VWA3B: variants seen among roughly 807,000 people sequenced by gnomAD.
The protein encoded by VWA3B is von Willebrand factor A domain-containing protein 3B.
A neutral mutation model predicts 158.3 loss-of-function variants in VWA3B; 138 were observed. The observed-to-expected ratio is 0.87, with a 90% CI of 0.76 to 1.00. The LOEUF (loss-of-function observed/expected upper bound fraction) is 1.00, where lower values mean the gene tolerates loss of function less well. VWA3B is among the 50% of genes least tolerant of loss of function. VWA3B has a pLI of 0.00. For synonymous variants in VWA3B, 596 were observed against 587.3 expected, an observed-to-expected ratio of 1.01 and a Z score of -0.21; for missense variants, 1,555 against 1,565.1, an observed-to-expected ratio of 0.99 and a Z score of 0.11.
In VWA3B at chr2:98,204,173, A is replaced by G. The variant is rs578218472; in HGVS notation, c.1738-7757A>G. On this transcript the variant is annotated intron_variant, in intron 12 of 27. Coordinates refer to ENST00000477737, the MANE Select transcript of VWA3B (RefSeq NM_144992.5). Reference sequence around the variant, plus strand: ...CTAAGGGACAACTGTAGTTCTCAGGATTTTCTATGTAGATAATTGGGTAGT... The same window carrying G: ...CTAAGGGACAACTGTAGTTCTCAGGGTTTTCTATGTAGATAATTGGGTAGT... 2.6e-5 allele frequency among the ~76,000 whole-genome samples: 4 copies of G among 152,250 alleles called. No homozygotes were observed. The South Asian group carries it at 8.3e-4, about 32-fold the overall frequency.
At chr2:98,118,328 G>A (rs187941166) in intron 3 of VWA3B, among the ~76,000 whole-genome samples, 1 of 152,220 alleles carries the variant, frequency 6.6e-6, no homozygotes, top group East Asian at 1.9e-4. Context: ...TGAGGAATGA[G>A]GTTGACAGAC....
At chr2:98,244,715 A>G (rs1686282640) in intron 19 of VWA3B, among the ~76,000 whole-genome samples, 1 of 152,186 alleles carries the variant, frequency 6.6e-6, no homozygotes. Flanking sequence ...AGTTTTATGA[A>G]GAGGAAAGAC....
Position 98,087,178 on chromosome 2 carries a change from T to A in VWA3B, c.-218T>A, listed in dbSNP as rs979807889. On this transcript the variant is annotated 5_prime_UTR_variant, in exon 1 of 28. Coordinates refer to ENST00000477737, the MANE Select transcript of VWA3B (RefSeq NM_144992.5). Reference sequence around the variant, plus strand: ...CCGCGCTCGGAACCAGAGGCGCGGGTCACAGAGACCTAGAACAGCTGGAAT... The same window carrying A: ...CCGCGCTCGGAACCAGAGGCGCGGGACACAGAGACCTAGAACAGCTGGAAT... 6.6e-6 allele frequency: 1 copy of A among 152,104 alleles called. No homozygotes were observed. Among genetic ancestry groups the A allele is most frequent in the Non-Finnish European group, 1.5e-5 (1 of 68,024 alleles). The allele number at this position is 152,104 out of a possible 1,614,324, so 9.4% of individuals were successfully genotyped here. A position where few individuals can be genotyped will look rare whatever the true frequency, so the allele number is the denominator to read the frequency against.
chr2:98,289,526 C>T (rs900712859), intron 22 of VWA3B, among the ~76,000 whole-genome samples: 1 of 152,198 alleles, frequency 6.6e-6, no homozygotes, highest in African/African-American at 2.4e-5. Flanking sequence ...GTTGCATCAA[C>T]CAGGAGATAT....
At chr2:98,301,430 T>C (rs1690184240) in intron 25 of VWA3B, among the ~76,000 whole-genome samples, 1 of 152,272 alleles carries the variant, frequency 6.6e-6, no homozygotes, top group African/African-American at 2.4e-5. Flanking sequence ...AAATGAATAC[T>C]TTACATATCT....
intron 20 of VWA3B, among the ~76,000 whole-genome samples, chr2:98,255,194 T>TTA (rs1262127015): frequency 7.4e-6 from 1 of 134,858 alleles, no homozygotes; most frequent in Non-Finnish European, 1.6e-5. Flanking sequence ...TTTTTTTTTT[T>TTA]TTTTTTTTTT....
chr2:98,114,329 A>G (rs931950083), intron 2 of VWA3B, among the ~76,000 whole-genome samples: 1 of 152,198 alleles, frequency 6.6e-6, no homozygotes, highest in Non-Finnish European at 1.5e-5. Context: ...TCACTTCATC[A>G]ATGTCAGCTA....
intron 21 of VWA3B, among the ~76,000 whole-genome samples, chr2:98,257,160 A>T (rs1574214947): frequency 6.6e-6 from 1 of 151,460 alleles, no homozygotes; most frequent in Admixed American, 6.6e-5. Context: ...CCTCCATAAG[A>T]TCAACTTTTT....
At chr2:98,179,367 G>A (rs1342128504) in intron 8 of VWA3B, 4 of 470,222 alleles carry the variant, frequency 8.5e-6, no homozygotes, top group African/African-American at 2.0e-5. Context: ...AAAACACCAC[G>A]AGAATGTGCC....
intron 19 of VWA3B, among the ~76,000 whole-genome samples, chr2:98,241,627 A>G (rs1686079286): frequency 2.6e-5 from 4 of 152,118 alleles, no homozygotes; most frequent in Middle Eastern, 6.8e-3. Flanking sequence ...GGGGAAAAAT[A>G]AAGAATGAGT....
chr2:98,133,904 G>A lies in VWA3B; in HGVS notation c.953G>A (p.Trp318Ter). The A allele has an allele frequency of 6.2e-7, 1 of 1,614,044 alleles. No homozygotes were observed. The highest frequency in any genetic ancestry group is 8.5e-7 in the Non-Finnish European group (1 of 1,180,022). ...AAGGATGGTGACAATGTGATGACTT[G>A]GAATTCAAGGAAACTGAAAGGAAAA... ...STKDGDNVMT[W>*]NSRKLKGKLP... The change falls in exon 7 of 28, where the codon TGG becomes TAG. Residue 318 changes from tryptophan to a stop codon, truncating the protein, a stop_gained. Coordinates refer to ENST00000477737, the MANE Select transcript of VWA3B (RefSeq NM_144992.5). LOFTEE classifies it high-confidence loss of function.
intron 20 of VWA3B, among the ~76,000 whole-genome samples, chr2:98,255,545 C>G (rs1188491395): frequency 1.3e-5 from 2 of 152,036 alleles, no homozygotes; most frequent in African/African-American, 4.8e-5. Flanking sequence ...CTTCTTTGCT[C>G]TTGGGTCAAC....
At chr2:98,220,450 C>T (rs1276133446) in intron 14 of VWA3B, among the ~76,000 whole-genome samples, 3 of 152,072 alleles carry the variant, frequency 2.0e-5, no homozygotes, top group Non-Finnish European at 4.4e-5. Context: ...GTAGGTCCAC[C>T]ATCTCAAAAC....
At chr2:98,203,220 C>T (rs1468466117) in intron 12 of VWA3B, among the ~76,000 whole-genome samples, 1 of 152,166 alleles carries the variant, frequency 6.6e-6, no homozygotes, top group Admixed American at 6.5e-5. Context: ...TGTTTTTGCT[C>T]ATTTGCCAAA....
chr2:98,314,619 G>A (rs1473283806), downstream of VWA3B, among the ~76,000 whole-genome samples: 4 of 152,124 alleles, frequency 2.6e-5, no homozygotes, highest in East Asian at 3.8e-4. Flanking sequence ...TATTTATAGG[G>A]ATACAAAAAT....
At chr2:98,093,730 T>C (rs1031583190) in intron 2 of VWA3B, among the ~76,000 whole-genome samples, 1 of 152,174 alleles carries the variant, frequency 6.6e-6, no homozygotes, top group Non-Finnish European at 1.5e-5. Context: ...TACTGTACAA[T>C]AGATCTCTTG....
intron 23 of VWA3B, among the ~76,000 whole-genome samples, chr2:98,296,868 TCTA>T (rs904525580): frequency 1.3e-5 from 2 of 151,460 alleles, no homozygotes; most frequent in African/African-American, 4.8e-5. Flanking sequence ...GATAATCTAT[TCTA>T]ATAATTATAT....
chr2:98,200,412 G>A (rs566811515), intron 12 of VWA3B, among the ~76,000 whole-genome samples: 14 of 152,118 alleles, frequency 9.2e-5, no homozygotes, highest in African/African-American at 2.4e-4. Context: ...CGTGGTGGCA[G>A]GTGCCTATAG....
At chr2:98,237,481 T>A (rs559767180) in intron 19 of VWA3B, among the ~76,000 whole-genome samples, 1 of 152,316 alleles carries the variant, frequency 6.6e-6, no homozygotes, top group Non-Finnish European at 1.5e-5. Flanking sequence ...ACCACCAGAT[T>A]GTCCTAGGCC....
Sources: allele counts gnomAD v4.1 joint callset (sites outside exome capture counted in the v4.1 genomes callset), GRCh38; gene constraint gnomAD v4.1.1; transcripts MANE v1.5; gene names NCBI Gene and HGNC (gene_info 2026-07-23, HGNC 2026-07-21).